Variants in OSBPL8 observed in about 807,000 individuals in gnomAD.
OSBPL8 encodes oxysterol-binding protein-related protein 8.
OSBPL8 carries 59 observed loss-of-function variants against 125.5 expected under a neutral mutation model. The ratio of observed to expected loss-of-function variants is 0.47; its 90% confidence interval spans 0.38 to 0.58. The LOEUF is 0.58. OSBPL8 is among the 20% of genes least tolerant of loss of function. The probability of loss-of-function intolerance (pLI) is 0.00; values close to 1 mark genes in which losing one functional copy is unlikely to be tolerated. For missense variants in OSBPL8, 758 were observed against 1,047.8 expected, an observed-to-expected ratio of 0.72 and a Z score of 3.82; for synonymous variants, 330 against 338.9, an observed-to-expected ratio of 0.97 and a Z score of 0.29.
chr12:76,485,670 G>A (rs1254810339), intron 2 of OSBPL8, among the ~76,000 whole-genome samples: 6 of 152,208 alleles, frequency 3.9e-5, no homozygotes, highest in African/African-American at 1.2e-4. Flanking sequence ...ATATAGGTAT[G>A]TAGTCAACAT....
intron 1 of OSBPL8, among the ~76,000 whole-genome samples, chr12:76,554,409 G>A (rs1242923797): frequency 6.6e-6 from 1 of 152,166 alleles, no homozygotes; most frequent in African/African-American, 2.4e-5. Flanking sequence ...TAAAAGGATA[G>A]GCTCCAAAGT....
intron 21 of OSBPL8, among the ~76,000 whole-genome samples, chr12:76,365,173 C>A (rs137975751): frequency 2.8e-4 from 42 of 152,244 alleles, no homozygotes; most frequent in African/African-American, 9.9e-4. Flanking sequence ...CCAGTCTGGT[C>A]TCAAGCAGTC....
intron 2 of OSBPL8, among the ~76,000 whole-genome samples, chr12:76,469,490 G>C (rs1047427752): frequency 2.6e-5 from 4 of 152,166 alleles, no homozygotes; most frequent in African/African-American, 7.2e-5. Flanking sequence ...TCCTGAGTAG[G>C]AGGAAAGACC....
chr12:76,453,002 T>A (rs939808278), intron 3 of OSBPL8, among the ~76,000 whole-genome samples: 1 of 134,978 alleles, frequency 7.4e-6, no homozygotes, highest in African/African-American at 3.5e-5. Context: ...AATTTGGCAT[T>A]TTTTTTTTTT....
chr12:76,371,186 C>A, intron 19 of OSBPL8: 1 of 262,748 alleles, frequency 3.8e-6, no homozygotes, highest in Non-Finnish European at 7.0e-6. Context: ...TAAACAAAAA[C>A]GTTCTTTCTT....
intron 4 of OSBPL8, among the ~76,000 whole-genome samples, chr12:76,432,480 T>C (rs192065998): frequency 7.5e-4 from 114 of 152,104 alleles, no homozygotes; most frequent in African/African-American, 2.6e-3. Flanking sequence ...ACCTGGGACG[T>C]TGAAACAGAA....
chr12:76,385,280 G>A (rs1953262361), intron 14 of OSBPL8, among the ~76,000 whole-genome samples: 1 of 152,114 alleles, frequency 6.6e-6, no homozygotes, highest in African/African-American at 2.4e-5. Flanking sequence ...CTCAAAGTGA[G>A]AATTACCATA....
At chr12:76,481,512 C>T (rs979905132) in intron 2 of OSBPL8, among the ~76,000 whole-genome samples, 1 of 151,982 alleles carries the variant, frequency 6.6e-6, no homozygotes, top group Non-Finnish European at 1.5e-5. Context: ...GGCCTGTAGT[C>T]CAAGCTACTC....
chr12:76,360,331 C>T (rs1400718831), intron 21 of OSBPL8, among the ~76,000 whole-genome samples: 1 of 152,220 alleles, frequency 6.6e-6, no homozygotes, highest in Non-Finnish European at 1.5e-5. Context: ...TCCTTTGACT[C>T]CACGTTTCAT....
intron 4 of OSBPL8, among the ~76,000 whole-genome samples, chr12:76,446,489 C>A (rs1356409420): frequency 6.6e-6 from 1 of 152,038 alleles, no homozygotes; most frequent in Non-Finnish European, 1.5e-5. Flanking sequence ...CATAAACTTA[C>A]CTAGGAACAT....
At chr12:76,456,397 C>A (rs2136786108) in intron 3 of OSBPL8, among the ~76,000 whole-genome samples, 1 of 152,184 alleles carries the variant, frequency 6.6e-6, no homozygotes, top group South Asian at 2.1e-4. Context: ...TAGCTCACAC[C>A]TGTAATCCCA....
At chr12:76,460,600 A>C (rs1438863848) in intron 2 of OSBPL8, among the ~76,000 whole-genome samples, 2 of 152,190 alleles carry the variant, frequency 1.3e-5, no homozygotes, top group Admixed American at 6.5e-5. Context: ...TTTGGAGCTA[A>C]TGGTCTTTGG....
At chr12:76,400,220 T>A (rs987919818) in intron 6 of OSBPL8, among the ~76,000 whole-genome samples, 5 of 152,206 alleles carry the variant, frequency 3.3e-5, no homozygotes, top group Non-Finnish European at 5.9e-5. Context: ...TGTGTCCATG[T>A]GTTCTCATCA....
At chr12:76,373,558 TA>T in intron 17 of OSBPL8, 125 bp from the exon 18 acceptor site, 1 of 505,526 alleles carries the variant, frequency 2.0e-6, no homozygotes, top group Non-Finnish European at 3.3e-6. Flanking sequence ...GCACAAGCAG[TA>T]AAAAAATACT....
At chr12:76,356,163 G>T (rs1592504724) in intron 23 of OSBPL8, 142 bp from the exon 24 acceptor site, 5 of 221,718 alleles carry the variant, frequency 2.3e-5, no homozygotes, top group East Asian at 2.1e-4. Context: ...ATGTAGGGGT[G>T]GGGGGGGGCG....
At chr12:76,514,998 T>A (rs1168529365) in intron 1 of OSBPL8, among the ~76,000 whole-genome samples, 2 of 152,190 alleles carry the variant, frequency 1.3e-5, no homozygotes, top group African/African-American at 4.8e-5. Context: ...CTCTGTCAGA[T>A]TAATTAGGTT....
At chr12:76,356,752 T>C (rs1293684833) in intron 22 of OSBPL8, 24 bp from the exon 23 acceptor site, 21 of 1,460,808 alleles carry the variant, frequency 1.4e-5, no homozygotes, top group East Asian at 2.3e-5. Flanking sequence ...TAGAATGAAG[T>C]TGAAACTATA....
intron 1 of OSBPL8, among the ~76,000 whole-genome samples, chr12:76,543,694 C>T (rs375534570): frequency 1.2e-4 from 19 of 152,060 alleles, no homozygotes; most frequent in African/African-American, 4.6e-4. Context: ...GGGGTAGCTG[C>T]CTGGAATTAA....
intron 4 of OSBPL8, among the ~76,000 whole-genome samples, chr12:76,444,931 C>G (rs1340686113): frequency 6.6e-6 from 1 of 152,070 alleles, no homozygotes; most frequent in Non-Finnish European, 1.5e-5. Context: ...TAGTTAAAAG[C>G]TTTAATAATA....
Sources: allele counts gnomAD v4.1 joint callset (sites outside exome capture counted in the v4.1 genomes callset), GRCh38; gene constraint gnomAD v4.1.1; transcripts MANE v1.5; gene names NCBI Gene and HGNC (gene_info 2026-07-23, HGNC 2026-07-21).